PRKD2: variants seen among roughly 807,000 people sequenced by gnomAD.
PRKD2 encodes the protein protein kinase D2.
PRKD2 carries 22 observed loss-of-function variants against 86.0 expected under a neutral mutation model. The observed-to-expected ratio is 0.26, with a 90% CI of 0.18 to 0.37. The LOEUF is 0.37. Among genes scored for constraint, PRKD2 ranks in the 10% least tolerant of loss-of-function variants. The pLI, the probability that PRKD2 is intolerant of heterozygous loss-of-function variation, is 1.00. For missense variants in PRKD2, 818 were observed against 1,199.2 expected (o/e 0.68, Z 4.70); for synonymous variants, 509 against 510.9 (o/e 1.00, Z 0.05).
intron 4 of PRKD2, 47 bp from the exon 5 acceptor site, chr19:46,704,438 T>C (rs1388854987): frequency 1.9e-6 from 3 of 1,613,900 alleles, no homozygotes; most frequent in South Asian, 1.1e-5. Context: ...GTTGGCCCCA[T>C]GCCTGGGCCA....
At chr19:46,689,439 C>T in intron 14 of PRKD2, 98 bp downstream of exon 14, 2 of 1,364,786 alleles carry the variant, frequency 1.5e-6, no homozygotes, top group Non-Finnish European at 2.0e-6. Context: ...GCTATTGTGA[C>T]TCCCCCAAGT....
chr19:46,689,494 C>T (rs749367617), intron 14 of PRKD2, 43 bp downstream of exon 14: 4 of 1,559,606 alleles, frequency 2.6e-6, no homozygotes, highest in South Asian at 2.3e-5. Flanking sequence ...CAAGCTGACA[C>T]CTGATGGGGA....
At position 46,689,541 on chromosome 19, in the gene PRKD2, G is replaced by A; in HGVS notation, c.1967C>T (p.Thr656Ile). ...LPERLTKFLI[T>I]QILVALRHLH... The stretch of plus-strand genomic sequence containing the variant: ...CAGCGGGCAGGGCAGACGCACCTGG[G>A]TGATGAGGAACTTGGTGAGGCGCTC... Residue 656 changes from threonine to isoleucine, a missense_variant, in exon 14 of 18, where the codon ACC becomes ATC. Around this residue, in one of 5 missense-constraint regions of PRKD2, gnomAD observed 154 missense variants for 359.6 expected, o/e 0.43. Coordinates refer to ENST00000291281, the MANE Select transcript of PRKD2 (RefSeq NM_016457.5). 6 of 1,603,566 alleles carry A rather than the reference G, an allele frequency of 3.7e-6. No individual in the cohort carries two copies. Among genetic ancestry groups the A allele is most frequent in the Non-Finnish European group, 5.1e-6 (6 of 1,175,706 alleles).
chr19:46,716,248 CG>C lies in PRKD2; in HGVS notation c.122del (p.Pro41ArgfsTer13). On this transcript the variant is annotated frameshift_variant, in exon 1 of 18. Coordinates refer to ENST00000291281, the MANE Select transcript of PRKD2 (RefSeq NM_016457.5). LOFTEE classifies it high-confidence loss of function. This position sits in a 1 kb window ranked among gnomAD's most constrained non-coding sequence, Gnocchi z 7.9. ...PPPLLPQIPA[P>X]GSGVSFHIQI... ...GGATGTGAAAGGAGACCCCGGAACC[CG>C]GGGCCGGGATCTGGGGCAGTAGCGG... 2 of 1,603,414 alleles carry C rather than the reference CG, an allele frequency of 1.2e-6. No individual in the cohort carries two copies. Among genetic ancestry groups the C allele is most frequent in the African/African-American group, 1.4e-5 (1 of 73,810 alleles).
At chr19:46,702,028 T>G (rs1246410021) in intron 5 of PRKD2, among the ~76,000 whole-genome samples, 2 of 145,758 alleles carry the variant, frequency 1.4e-5, no homozygotes, top group African/African-American at 5.3e-5. Context: ...GTTCTATGAT[T>G]CTGTTTTTTG....
chr19:46,704,536 G>C lies in PRKD2; in HGVS notation c.625C>G (p.Leu209Val). ...TSLASGHSVR[L>V]GTSESLPCTA... is the part of the protein sequence containing the mutation. ...CAGGGCAGGGACTCGGAGGTGCCGA[G>C]GCGCACCGAGTGGCCACTGGCCAGA... The change falls in exon 4 of 18, where the codon CTC becomes GTC. Residue 209 changes from leucine to valine, a missense_variant. Physicochemically the swap from Leu to Val is conservative, Grantham distance 32 (BLOSUM62 1). Coordinates refer to ENST00000291281, the MANE Select transcript of PRKD2 (RefSeq NM_016457.5). 6.2e-7 allele frequency: 1 copy of C among 1,614,154 alleles called. No individual in the cohort carries two copies. The highest frequency in any genetic ancestry group is 8.5e-7 in the Non-Finnish European group (1 of 1,180,012).
chr19:46,676,651 C>T (rs2053208133), intron 16 of PRKD2, among the ~76,000 whole-genome samples: 1 of 152,198 alleles, frequency 6.6e-6, no homozygotes, highest in Non-Finnish European at 1.5e-5. Flanking sequence ...ACACAGGCAC[C>T]CTGCTCCCGT....
intron 5 of PRKD2, among the ~76,000 whole-genome samples, chr19:46,702,162 C>G (rs62134782): frequency 0.18 from 26,692 of 151,676 alleles, 2,792 homozygotes; most frequent in Non-Finnish European, 0.24. Flanking sequence ...CCTCAGCCTC[C>G]TGAGTAGCTG....
At chr19:46,701,270 G>A (rs1023391662) in intron 5 of PRKD2, among the ~76,000 whole-genome samples, 158 bp from the exon 6 acceptor site, 2 of 151,866 alleles carry the variant, frequency 1.3e-5, no homozygotes, top group Non-Finnish European at 2.9e-5. Flanking sequence ...CCCACTTTCA[G>A]CCACAGTTTT....
chr19:46,698,561 T>C (rs10414776), intron 7 of PRKD2, among the ~76,000 whole-genome samples: 14,918 of 152,248 alleles, frequency 0.098, 833 homozygotes, highest in African/African-American at 0.15. Flanking sequence ...CCAGCAATTG[T>C]GGAGCCAGCT....
rs1388298175 is a variant in PRKD2, at chr19:46,693,193, C to T, written c.1576+682G>A. On this transcript the variant is annotated intron_variant, in intron 10 of 17. Transcript: ENST00000291281. This position sits in a 1 kb window ranked among gnomAD's most constrained non-coding sequence, Gnocchi z 4.5. ...AGCTCCCTAGCTTCCTTGTCCCAAC[C>T]CTGCCCACCCTGGACTGTCACTCTC... Among the ~76,000 whole-genome samples, 1 of 152,188 alleles carries T rather than the reference C, an allele frequency of 6.6e-6. No homozygotes were observed. Among genetic ancestry groups the T allele is most frequent in the African/African-American group, 2.4e-5 (1 of 41,454 alleles).
At position 46,716,279 on chromosome 19, in the gene PRKD2, G is replaced by GGCGACT; in HGVS notation, c.86_91dup (p.Gln29_Ser30dup). 6.3e-7 allele frequency: 1 copy of GGCGACT among 1,582,894 alleles called. No individual in the cohort carries two copies. The highest frequency in any genetic ancestry group is 8.6e-7 in the Non-Finnish European group (1 of 1,165,532). On this transcript the variant is annotated inframe_insertion, in exon 1 of 18. Coordinates refer to ENST00000291281, the MANE Select transcript of PRKD2 (RefSeq NM_016457.5). The surrounding 1 kb of genome is among the most constrained non-coding windows in gnomAD (Gnocchi z 7.9). Reference sequence around the variant, plus strand: ...CGGGATCTGGGGCAGTAGCGGTGGCGGCGACTGCAGCTCTAGGCCGCCGGG... The same window carrying GGCGACT: ...CGGGATCTGGGGCAGTAGCGGTGGCGGCGACTGCGACTGCAGCTCTAGGCCGCCGGG...
chr19:46,680,445 T>G (rs1024793831), intron 15 of PRKD2, among the ~76,000 whole-genome samples: 6 of 151,928 alleles, frequency 3.9e-5, no homozygotes, highest in African/African-American at 1.5e-4. Context: ...CCCGCCACCA[T>G]GCCCAGCTAA....
Position 46,700,789 on chromosome 19 carries a change from C to CTG in PRKD2, c.1121+8_1121+9dup. Reference sequence around the variant, plus strand: ...TTCCCCCAGGGTCTCTTGGAGGGTTCTGTGTATACCTCTGGGCCTTGCCTC... The same window carrying CTG: ...TTCCCCCAGGGTCTCTTGGAGGGTTCTGTGTGTATACCTCTGGGCCTTGCCTC... On this transcript the variant is annotated intron_variant, in intron 7 of 17. Transcript: ENST00000291281. 1 of 1,610,222 alleles carries CTG rather than the reference C, an allele frequency of 6.2e-7. No homozygotes were observed. Among genetic ancestry groups the CTG allele is most frequent in the South Asian group, 1.1e-5 (1 of 91,042 alleles).
chr19:46,686,592 C>T (rs1317632223), intron 14 of PRKD2, among the ~76,000 whole-genome samples: 1 of 151,578 alleles, frequency 6.6e-6, no homozygotes, highest in Non-Finnish European at 1.5e-5. Context: ...TTTGAGGCTG[C>T]AGTGAACTAT....
Position 46,697,856 on chromosome 19 carries a change from A to G in PRKD2, c.1122-6T>C. On this transcript the variant is annotated splice_region_variant and splice_polypyrimidine_tract_variant and intron_variant, in intron 7 of 17. Transcript: ENST00000291281. ...GGGGGATGTACCCCAGGGAGCTGCG[A>G]AGGAAGAGGAAGGGGTGAGAAGTCA... 1.2e-6 allele frequency: 2 copies of G among 1,604,098 alleles called. No homozygotes were observed. The highest frequency in any genetic ancestry group is 1.7e-6 in the Non-Finnish European group (2 of 1,171,194).
intron 15 of PRKD2, among the ~76,000 whole-genome samples, chr19:46,680,948 T>TATATATATATATATATATCTA (rs55813443): frequency 3.8e-5 from 1 of 26,550 alleles, no homozygotes. Context: ...ATATATATAT[T>TATATATATATATATATATCTA]TTTTTTTTTT....
chr19:46,686,539 T>C (rs976005940), intron 14 of PRKD2, among the ~76,000 whole-genome samples: 1 of 151,146 alleles, frequency 6.6e-6, no homozygotes, highest in Non-Finnish European at 1.5e-5. Flanking sequence ...TGGTTCCAGT[T>C]AACTCAGGAG....
Position 46,711,050 on chromosome 19 carries a change from A to C in PRKD2, c.380-12T>G, listed in dbSNP as rs2053800947. The stretch of plus-strand genomic sequence containing the variant: ...GAAGGTGGCCGAGGCTGTAGGCGGA[A>C]AATAGGGGTGGATGCTTGAGGCGGG... On this transcript the variant is annotated splice_polypyrimidine_tract_variant and intron_variant, in intron 2 of 17. Transcript: ENST00000291281. 1 of 1,574,802 alleles carries C rather than the reference A, an allele frequency of 6.3e-7. No individual in the cohort carries two copies. Among genetic ancestry groups the C allele is most frequent in the African/African-American group, 1.3e-5 (1 of 74,270 alleles).
Sources: allele counts gnomAD v4.1 joint callset (sites outside exome capture counted in the v4.1 genomes callset), GRCh38; gene constraint gnomAD v4.1.1; regional missense constraint gnomAD v4.1.1; non-coding constraint Gnocchi (gnomAD v3.1); transcripts MANE v1.5; gene names NCBI Gene and HGNC (gene_info 2026-07-23, HGNC 2026-07-21).